IL1RAPL2: variants seen among roughly 807,000 people sequenced by gnomAD.
IL1RAPL2 encodes X-linked interleukin-1 receptor accessory protein-like 2.
IL1RAPL2 carries 3 observed loss-of-function variants against 44.1 expected under a neutral mutation model. That is an observed-to-expected ratio of 0.07 (90% CI 0.03 to 0.18). The LOEUF is 0.18. Among genes scored for constraint, IL1RAPL2 ranks in the 10% least tolerant of loss-of-function variants. The pLI is 1.00. For missense variants in IL1RAPL2, 391 were observed against 496.4 expected, an observed-to-expected ratio of 0.79 and a Z score of 2.02; for synonymous variants, 181 against 178.8, an observed-to-expected ratio of 1.01 and a Z score of -0.10.
chrX:104,878,828 T>C (rs1356831950), intron 2 of IL1RAPL2, among the ~76,000 whole-genome samples: 1 of 111,741 alleles, frequency 8.9e-6, no homozygotes, highest in Non-Finnish European at 1.9e-5. Context: ...AAGTATATTT[T>C]ATTAGCTTCC....
chrX:104,644,291 C>T (rs1929991778), intron 1 of IL1RAPL2, among the ~76,000 whole-genome samples: 1 of 111,265 alleles, frequency 9.0e-6, no homozygotes, highest in African/African-American at 3.3e-5. Context: ...ACATTCAATG[C>T]TAAAAAAATC....
intron 6 of IL1RAPL2, among the ~76,000 whole-genome samples, chrX:105,544,345 A>G (rs1296762515): frequency 9.0e-6 from 1 of 111,607 alleles, no homozygotes; most frequent in East Asian, 2.8e-4. Flanking sequence ...TTGCAGATGA[A>G]AGACAAATTT....
intron 2 of IL1RAPL2, among the ~76,000 whole-genome samples, chrX:104,770,625 G>T (rs768101): frequency 0.37 from 40,886 of 111,105 alleles, 5,843 homozygotes; most frequent in East Asian, 0.46. Context: ...AATACAACTA[G>T]TAAGTGTCAG....
chrX:104,575,183 A>C (rs1269881688), intron 1 of IL1RAPL2, among the ~76,000 whole-genome samples: 1 of 111,471 alleles, frequency 9.0e-6, no homozygotes, highest in East Asian at 2.8e-4. Flanking sequence ...CTTTCTAATA[A>C]TAATAAAAGA....
intron 6 of IL1RAPL2, among the ~76,000 whole-genome samples, chrX:105,656,064 C>T (rs2037675249): frequency 9.0e-6 from 1 of 111,146 alleles, no homozygotes; most frequent in Non-Finnish European, 1.9e-5. Flanking sequence ...AGGCCTTATT[C>T]ATTCTATTTT....
At chrX:105,525,357 T>TA (rs1191920874) in intron 6 of IL1RAPL2, among the ~76,000 whole-genome samples, 413 of 107,937 alleles carry the variant, frequency 3.8e-3, no homozygotes, top group South Asian at 0.011. Flanking sequence ...TCTGAATTGG[T>TA]AAAAAAAAAA....
At chrX:105,644,276 G>C (rs759688823) in intron 6 of IL1RAPL2, among the ~76,000 whole-genome samples, 1 of 111,446 alleles carries the variant, frequency 9.0e-6, no homozygotes, top group South Asian at 3.8e-4. Flanking sequence ...TTAAGGGTGT[G>C]TCAGGCATTA....
chrX:104,772,133 C>CG (rs970665540), intron 2 of IL1RAPL2, among the ~76,000 whole-genome samples: 4 of 111,236 alleles, frequency 3.6e-5, no homozygotes, highest in Non-Finnish European at 7.5e-5. Flanking sequence ...ATTTTATGCA[C>CG]GGGTATTCCT....
chrX:105,042,039 A>G (rs2031752216), intron 2 of IL1RAPL2, among the ~76,000 whole-genome samples: 1 of 111,307 alleles, frequency 9.0e-6, no homozygotes, highest in Non-Finnish European at 1.9e-5. Flanking sequence ...GAAAGCTGAA[A>G]CTGGATCCCT....
At chrX:105,116,640 A>G (rs775265607) in intron 2 of IL1RAPL2, among the ~76,000 whole-genome samples, 3 of 112,429 alleles carry the variant, frequency 2.7e-5, no homozygotes, top group Non-Finnish European at 5.6e-5. Context: ...CAGCAAACCT[A>G]CATGTAAATA....
At chrX:104,630,337 C>T (rs1328207673) in intron 1 of IL1RAPL2, among the ~76,000 whole-genome samples, 2 of 110,789 alleles carry the variant, frequency 1.8e-5, no homozygotes, top group African/African-American at 3.3e-5. Context: ...TTAGTAGAGA[C>T]GGACTTTCAC....
intron 2 of IL1RAPL2, among the ~76,000 whole-genome samples, chrX:104,702,463 G>T (rs770625411): frequency 1.1e-4 from 12 of 111,894 alleles, no homozygotes; most frequent in Non-Finnish European, 2.1e-4. Flanking sequence ...CATAAAAAAA[G>T]AATAAAACAA....
At chrX:104,933,545 G>A (rs1415734297) in intron 2 of IL1RAPL2, among the ~76,000 whole-genome samples, 1 of 111,494 alleles carries the variant, frequency 9.0e-6, no homozygotes, top group Non-Finnish European at 1.9e-5. Context: ...ATGAAGTAGT[G>A]GTAAATTATC....
At chrX:104,645,702 CA>C (rs1373235588) in intron 1 of IL1RAPL2, among the ~76,000 whole-genome samples, 2 of 112,437 alleles carry the variant, frequency 1.8e-5, no homozygotes, top group Non-Finnish European at 3.8e-5. Context: ...TGTGATCACA[CA>C]AAAAGTAGAT....
At chrX:105,035,305 A>G (rs1284956546) in intron 2 of IL1RAPL2, among the ~76,000 whole-genome samples, 10 of 111,768 alleles carry the variant, frequency 8.9e-5, no homozygotes, top group African/African-American at 3.3e-4. Flanking sequence ...TCAGATGGAA[A>G]TGCAAAAATC....
chrX:105,506,616 A>G (rs1020074533), intron 6 of IL1RAPL2, among the ~76,000 whole-genome samples: 5 of 111,851 alleles, frequency 4.5e-5, no homozygotes, highest in Non-Finnish European at 9.4e-5. Flanking sequence ...CCCAAATTTA[A>G]GGAGAAGTGA....
chrX:105,590,859 T>TTG (rs60004058), intron 6 of IL1RAPL2, among the ~76,000 whole-genome samples: 7,319 of 88,521 alleles, frequency 0.083, 668 homozygotes, highest in African/African-American at 0.26. Flanking sequence ...TTGTGTGTGT[T>TTG]TGTGTGTGTG....
At chrX:105,100,233 A>G (rs1215584368) in intron 2 of IL1RAPL2, among the ~76,000 whole-genome samples, 2 of 111,813 alleles carry the variant, frequency 1.8e-5, no homozygotes, top group East Asian at 5.6e-4. Context: ...AGTTTCAAGT[A>G]TCCACTGGGG....
At chrX:105,614,270 AAT>A (rs1262096581) in intron 6 of IL1RAPL2, among the ~76,000 whole-genome samples, 1 of 112,047 alleles carries the variant, frequency 8.9e-6, no homozygotes, top group Non-Finnish European at 1.9e-5. Flanking sequence ...GCAATCTACA[AAT>A]TTAACACAAA....
Sources: allele counts gnomAD v4.1 joint callset (sites outside exome capture counted in the v4.1 genomes callset), GRCh38; gene constraint gnomAD v4.1.1; transcripts MANE v1.5; gene names NCBI Gene and HGNC (gene_info 2026-07-23, HGNC 2026-07-21).